Variants in AHCTF1 observed in about 807,000 individuals in gnomAD.
The protein encoded by AHCTF1 is AT-hook containing transcription factor 1.
In AHCTF1, 24 loss-of-function variants were observed where a neutral mutation model predicts 248.4. The observed-to-expected ratio is 0.10, with a 90% confidence interval of 0.07 to 0.14. The LOEUF (loss-of-function observed/expected upper bound fraction) is 0.14. AHCTF1 is among the 10% of genes least tolerant of loss of function. The probability of loss-of-function intolerance (pLI) is 1.00; values close to 1 mark genes in which losing one functional copy is unlikely to be tolerated. For missense variants in AHCTF1, 2,206 were observed against 2,636.2 expected, an observed-to-expected ratio of 0.84 and a Z score of 3.57; for synonymous variants, 786 against 929.8, an observed-to-expected ratio of 0.85 and a Z score of 2.81.
At chr1:246,873,381 G>A (rs1451320339) in intron 24 of AHCTF1, among the ~76,000 whole-genome samples, 1 of 152,182 alleles carries the variant, frequency 6.6e-6, no homozygotes, top group Admixed American at 6.5e-5. Flanking sequence ...CTGCATCACA[G>A]CAAAGGGAAA....
At chr1:246,862,405 G>A (rs1483398407) in intron 27 of AHCTF1, among the ~76,000 whole-genome samples, 7 of 151,932 alleles carry the variant, frequency 4.6e-5, no homozygotes, top group African/African-American at 1.2e-4. Context: ...GCATGAACCC[G>A]GGAGGTGGAG....
chr1:246,927,819 A>C (rs918729388), intron 1 of AHCTF1, among the ~76,000 whole-genome samples: 12 of 152,154 alleles, frequency 7.9e-5, no homozygotes, highest in Non-Finnish European at 1.8e-4. Context: ...CCTGGCCAAC[A>C]TGGTGAAACC....
At chr1:246,918,427 T>C (rs1467940383) in intron 1 of AHCTF1, 50 bp from the exon 2 acceptor site, 2 of 1,484,948 alleles carry the variant, frequency 1.3e-6, no homozygotes, top group Non-Finnish European at 1.8e-6. Flanking sequence ...TTGTAGACAA[T>C]ATACTTGATT....
At chr1:246,906,114 G>A (rs1187037731) in intron 5 of AHCTF1, among the ~76,000 whole-genome samples, 1 of 152,202 alleles carries the variant, frequency 6.6e-6, no homozygotes, top group African/African-American at 2.4e-5. Context: ...AGCTGTTTGG[G>A]TTTAGCATCA....
At position 246,864,015 on chromosome 1, in the gene AHCTF1, G is replaced by A; in HGVS notation, c.3449C>T (p.Ser1150Leu). 1 of 1,614,134 alleles carries A rather than the reference G, an allele frequency of 6.2e-7. No individual in the cohort carries two copies. ...MKSPLYLVSRSLPSSSQLKGS... is the reference protein window; with the variant it reads ...MKSPLYLVSRLLPSSSQLKGS... Reference sequence around the variant, plus strand: ...TTTTAATTGCGAACTTGAGGGCAGTGAACGGGATACTAGGTACAAAGGAGA... The same window carrying A: ...TTTTAATTGCGAACTTGAGGGCAGTAAACGGGATACTAGGTACAAAGGAGA... Residue 1150 changes from serine (S) to leucine (L), a missense_variant, in exon 27 of 36, where the codon TCA (serine) becomes TTA (leucine). Ser to Leu is a moderately radical substitution (Grantham distance 145). Around this residue, in one of 6 missense-constraint regions of AHCTF1, gnomAD observed 955 missense variants for 1,055.6 expected, o/e 0.90. Coordinates refer to ENST00000648844, the MANE Select transcript of AHCTF1 (RefSeq NM_001323342.2).
rs2103129551 is a variant in AHCTF1, at chr1:246,887,312, T to C, written c.2371A>G (p.Thr791Ala). 2 of 1,613,230 alleles carry C rather than the reference T, an allele frequency of 1.2e-6. No homozygotes were observed. Among genetic ancestry groups the C allele is most frequent in the South Asian group, 2.2e-5 (2 of 90,874 alleles). Residue 791 changes from threonine to alanine, a missense_variant, in exon 20 of 36, where the codon ACA (threonine) becomes GCA (alanine). By Grantham distance (58) the Thr-to-Ala change is moderately conservative (BLOSUM62 0). This residue lies in a region of AHCTF1 where 650 missense variants were observed against 870.8 expected (regional missense o/e 0.75). Transcript: ENST00000648844. ...GGGAAAGATTCAATGGGAGTGTCTG[T>C]TTTGTTGGGAAAGGAATACATAATA... ...LDIMYSFPNK[T>A]DTPIESFPTV... is the part of the protein sequence containing the mutation.
rs560086695 is a variant in AHCTF1, at chr1:246,868,896, G to C, written c.3089-1085C>G. Among the ~76,000 whole-genome samples, 346 of 149,294 alleles carry C rather than the reference G, an allele frequency of 2.3e-3. 4 individuals carry two copies. Among genetic ancestry groups the C allele is most frequent in the Middle Eastern group, 0.01 (3 of 292 alleles). On this transcript the variant is annotated intron_variant, in intron 24 of 35. Coordinates refer to ENST00000648844, the MANE Select transcript of AHCTF1 (RefSeq NM_001323342.2). Reference sequence around the variant, plus strand: ...GTCTCGCTCTGTCACCCAGGTTGGAGTGCAGTGGTGTGATCTCGGCTCACT... The same window carrying C: ...GTCTCGCTCTGTCACCCAGGTTGGACTGCAGTGGTGTGATCTCGGCTCACT...
chr1:246,889,827 A>G, intron 17 of AHCTF1, 139 bp downstream of exon 17: 1 of 554,840 alleles, frequency 1.8e-6, no homozygotes, highest in Non-Finnish European at 3.1e-6. Context: ...AAAAAGAGAA[A>G]TAAAATAGTA....
chr1:246,905,357 G>A (rs1572445997), intron 6 of AHCTF1, among the ~76,000 whole-genome samples, 184 bp downstream of exon 6: 1 of 152,126 alleles, frequency 6.6e-6, no homozygotes, highest in East Asian at 1.9e-4. Context: ...AATTAGCCAG[G>A]CATGGTGACA....
intron 20 of AHCTF1, 80 bp from the exon 21 acceptor site, chr1:246,885,760 C>A (rs972287267): frequency 7.9e-7 from 1 of 1,273,562 alleles, no homozygotes; most frequent in South Asian, 1.6e-5. Flanking sequence ...ACACTAAAAA[C>A]CACAAAAATC....
rs201354601 is a variant in AHCTF1, at chr1:246,867,905, A to G, written c.3089-94T>C. ...AGAATGATTACACCCCCCCCCCCAC[A>G]CACACACACACACACATTACGTGGT... On this transcript the variant is annotated intron_variant, in intron 24 of 35. Coordinates refer to ENST00000648844, the MANE Select transcript of AHCTF1 (RefSeq NM_001323342.2). 68 of 235,440 alleles carry G rather than the reference A, an allele frequency of 2.9e-4. 2 individuals carry two copies. The African/African-American group carries it at 4.8e-3, about 16-fold the overall frequency. The allele number at this position is 235,440 out of a possible 1,614,324, so 14.6% of individuals were successfully genotyped here. A position where few individuals can be genotyped will look rare whatever the true frequency, so the allele number is the denominator to read the frequency against.
At chr1:246,919,246 C>T (rs1410132593) in intron 1 of AHCTF1, among the ~76,000 whole-genome samples, 1 of 152,096 alleles carries the variant, frequency 6.6e-6, no homozygotes, top group African/African-American at 2.4e-5. Context: ...TCCCTCAACC[C>T]CATTAAACTC....
chr1:246,864,993 T>C (rs979539485), intron 26 of AHCTF1, among the ~76,000 whole-genome samples: 1 of 152,126 alleles, frequency 6.6e-6, no homozygotes, highest in Non-Finnish European at 1.5e-5. Flanking sequence ...CTACAAGGTT[T>C]TCCGTAATGT....
intron 26 of AHCTF1, among the ~76,000 whole-genome samples, chr1:246,866,344 G>A (rs1436898767): frequency 6.6e-6 from 1 of 151,774 alleles, no homozygotes; most frequent in Non-Finnish European, 1.5e-5. Flanking sequence ...CCGAACTATT[G>A]GTAGAAAAAA....
intron 1 of AHCTF1, among the ~76,000 whole-genome samples, chr1:246,926,664 T>A (rs1378077583): frequency 6.6e-6 from 1 of 151,900 alleles, no homozygotes; most frequent in African/African-American, 2.4e-5. Context: ...AAGACCAGCC[T>A]CACTAACAGG....
At position 246,899,433 on chromosome 1, in the gene AHCTF1, T is replaced by C. The variant is rs1329518333; in HGVS notation, c.1494+18A>G. 1.9e-6 allele frequency: 3 copies of C among 1,582,168 alleles called. No homozygotes were observed. The highest frequency in any genetic ancestry group is 2.6e-6 in the Non-Finnish European group (3 of 1,160,658). On this transcript the variant is annotated intron_variant, in intron 11 of 35. Transcript: ENST00000648844. ...ATCTGACTTCAGTTCAATTAAGAAA[T>C]CACTAGTTGTTACCTACCTCCTTCT...
intron 3 of AHCTF1, among the ~76,000 whole-genome samples, chr1:246,914,716 T>C (rs936206511): frequency 2.0e-5 from 3 of 152,194 alleles, no homozygotes; most frequent in South Asian, 2.1e-4. Context: ...GGTTGAACTT[T>C]TGAAAGTGTC....
At chr1:246,858,084 C>T (rs921011233) in intron 29 of AHCTF1, among the ~76,000 whole-genome samples, 45 of 151,950 alleles carry the variant, frequency 3.0e-4, no homozygotes, top group Admixed American at 2.0e-3. Flanking sequence ...CTCCGCCCCC[C>T]GAGTAGCTGG....
intron 1 of AHCTF1, among the ~76,000 whole-genome samples, chr1:246,922,826 CA>C (rs1399093490): frequency 3.9e-4 from 58 of 149,364 alleles, no homozygotes; most frequent in South Asian, 8.5e-4. Flanking sequence ...ACTAAAAATA[CA>C]AAAAAAATAG....
Sources: allele counts gnomAD v4.1 joint callset (sites outside exome capture counted in the v4.1 genomes callset), GRCh38; gene constraint gnomAD v4.1.1; regional missense constraint gnomAD v4.1.1; transcripts MANE v1.5; gene names NCBI Gene and HGNC (gene_info 2026-07-23, HGNC 2026-07-21).